Variants in DSE observed in about 807,000 individuals in gnomAD.
The protein encoded by DSE is dermatan sulfate epimerase.
A neutral mutation model predicts 84.4 loss-of-function variants in DSE; 36 were observed. The observed-to-expected ratio is 0.43, with a 90% CI of 0.33 to 0.56. The LOEUF is 0.56. Ranked by LOEUF, DSE falls within the 20% of genes least tolerant of loss-of-function variation. The pLI, the probability that DSE is intolerant of heterozygous loss-of-function variation, is 0.06. For missense variants in DSE, 862 were observed against 1,169.6 expected (o/e 0.74, Z 3.84); for synonymous variants, 410 against 430.1 (o/e 0.95, Z 0.58).
chr6:116,282,449 A>T (rs1449190300), intron 2 of DSE, among the ~76,000 whole-genome samples: 2 of 152,160 alleles, frequency 1.3e-5, no homozygotes, highest in Non-Finnish European at 2.9e-5. Flanking sequence ...TAATTAATGT[A>T]ATTAACACTC....
intron 2 of DSE, among the ~76,000 whole-genome samples, chr6:116,338,575 T>C (rs1041466536): frequency 6.6e-6 from 1 of 152,038 alleles, no homozygotes; most frequent in African/African-American, 2.4e-5. Context: ...CTCATGAATT[T>C]AGAGTTCATT....
At chr6:116,411,159 A>ATG (rs146986827) in intron 2 of DSE, among the ~76,000 whole-genome samples, 3 of 151,626 alleles carry the variant, frequency 2.0e-5, no homozygotes, top group African/African-American at 7.3e-5. Flanking sequence ...GGGTGTGTGT[A>ATG]TGTGTGTGTG....
chr6:116,340,709 A>G (rs937582902), intron 2 of DSE, among the ~76,000 whole-genome samples: 2 of 151,894 alleles, frequency 1.3e-5, no homozygotes, highest in South Asian at 2.1e-4. Context: ...TCATTGTTCA[A>G]TTCCCACCTT....
chr6:116,393,095 T>G (rs1253035118), intron 1 of DSE, among the ~76,000 whole-genome samples: 2 of 152,312 alleles, frequency 1.3e-5, no homozygotes, highest in South Asian at 2.1e-4. Context: ...CCAGTCGCTG[T>G]TAGATCGGCA....
intron 2 of DSE, among the ~76,000 whole-genome samples, chr6:116,319,766 CT>C (rs1452171141): frequency 6.6e-6 from 1 of 152,094 alleles, no homozygotes; most frequent in Non-Finnish European, 1.5e-5. Context: ...TCTTTTGATT[CT>C]TCCCTTTTCG....
At chr6:116,325,821 G>A (rs1177030312) in intron 2 of DSE, among the ~76,000 whole-genome samples, 1 of 152,166 alleles carries the variant, frequency 6.6e-6, no homozygotes, top group Non-Finnish European at 1.5e-5. Context: ...TTGTTCAGCC[G>A]GGGGCATCGG....
In DSE at chr6:116,410,086, A is replaced by T. The variant is rs572337850; in HGVS notation, c.416+10420A>T. Among the ~76,000 whole-genome samples the T allele has an allele frequency of 1.2e-4, 18 of 152,342 alleles. No individual in the cohort carries two copies. In the South Asian group the frequency reaches 3.7e-3, roughly 32 times the overall value. On this transcript the variant is annotated intron_variant, in intron 2 of 5. Coordinates refer to ENST00000644252, the MANE Select transcript of DSE (RefSeq NM_013352.4). ...TTTACAAGTACTGTGAAGCCACTGA[A>T]AGGTGTAACAGGGCAGTGACATGAT...
chr6:116,334,867 G>T (rs532372346), intron 2 of DSE, among the ~76,000 whole-genome samples: 1 of 152,226 alleles, frequency 6.6e-6, no homozygotes, highest in South Asian at 2.1e-4. Flanking sequence ...AGTCAGAATG[G>T]CTATTAAAAA....
intron 2 of DSE, among the ~76,000 whole-genome samples, chr6:116,266,193 C>G (rs193278242): frequency 1.7e-4 from 26 of 152,328 alleles, no homozygotes; most frequent in African/African-American, 6.3e-4. Flanking sequence ...TGGCATCTTA[C>G]AACTGCTACC....
intron 2 of DSE, among the ~76,000 whole-genome samples, chr6:116,322,523 C>G (rs1368384588): frequency 6.6e-6 from 1 of 151,916 alleles, no homozygotes; most frequent in Non-Finnish European, 1.5e-5. Flanking sequence ...CCTTTCCTTC[C>G]CCACCATCCC....
At chr6:116,304,911 T>A (rs535001105) in intron 2 of DSE, among the ~76,000 whole-genome samples, 1 of 152,342 alleles carries the variant, frequency 6.6e-6, no homozygotes, top group East Asian at 1.9e-4. Context: ...AAGCAGAAGC[T>A]GAGCTGTTTA....
intron 2 of DSE, among the ~76,000 whole-genome samples, chr6:116,328,851 A>T (rs905467701): frequency 6.6e-6 from 1 of 152,120 alleles, no homozygotes; most frequent in Non-Finnish European, 1.5e-5. Context: ...TGGGATACCA[A>T]GGATGGGATA....
At chr6:116,349,020 T>C (rs910598426) in intron 2 of DSE, among the ~76,000 whole-genome samples, 29 of 152,128 alleles carry the variant, frequency 1.9e-4, no homozygotes, top group Non-Finnish European at 2.8e-4. Context: ...CTAATGTAAA[T>C]GATGAGTTAA....
intron 1 of DSE, chr6:116,254,964 G>C (rs540341059): frequency 6.6e-6 from 1 of 152,346 alleles, no homozygotes; most frequent in South Asian, 2.1e-4. Context: ...TCAGCTATGT[G>C]CAGGCATCTA....
chr6:116,327,227 G>GA (rs1323138507), intron 2 of DSE, among the ~76,000 whole-genome samples: 1 of 152,242 alleles, frequency 6.6e-6, no homozygotes, highest in East Asian at 1.9e-4. Context: ...TAGTTACACA[G>GA]CACATCAGAG....
rs192924677 is a variant in DSE, at chr6:116,259,131, T to C, written c.-54+164T>C. 1,693 of 1,261,776 alleles carry C rather than the reference T, an allele frequency of 1.3e-3. 18 individuals are homozygous for C. The African/African-American group carries it at 0.021, about 16-fold the overall frequency. 78.2% of individuals were successfully genotyped at this position (1,261,776 alleles called of 1,614,324 possible). A position where few individuals can be genotyped will look rare whatever the true frequency, so the allele number is the denominator to read the frequency against. ...ACTCAGTCATCGTGAGAACACAGCC[T>C]GAGTGTCTCTGTTGCTCGACGTAGA... On this transcript the variant is annotated intron_variant, in intron 2 of 3. Coordinates refer to the DSE transcript ENST00000430252.
intron 2 of DSE, among the ~76,000 whole-genome samples, chr6:116,349,534 C>G (rs1778194172): frequency 6.6e-6 from 1 of 152,216 alleles, no homozygotes; most frequent in Non-Finnish European, 1.5e-5. Flanking sequence ...AAGTATTCTC[C>G]AACTGTGACT....
intron 1 of DSE, among the ~76,000 whole-genome samples, chr6:116,379,965 G>T (rs1209087296): frequency 6.6e-6 from 1 of 152,128 alleles, no homozygotes; most frequent in African/African-American, 2.4e-5. Flanking sequence ...GGAGTTAGTG[G>T]TGTTAGGGTG....
intron 2 of DSE, among the ~76,000 whole-genome samples, chr6:116,318,997 A>G (rs2114754362): frequency 6.6e-6 from 1 of 152,340 alleles, no homozygotes; most frequent in East Asian, 1.9e-4. Context: ...ATTGAAAAAA[A>G]TGCTTCAGTA....
Sources: allele counts gnomAD v4.1 joint callset (sites outside exome capture counted in the v4.1 genomes callset), GRCh38; gene constraint gnomAD v4.1.1; transcripts MANE v1.5; gene names NCBI Gene and HGNC (gene_info 2026-07-23, HGNC 2026-07-21).